The following ITFG1 variants were observed in gnomAD, a reference collection of about 807,000 sequenced individuals.
ITFG1 encodes integrin alpha FG-GAP repeat containing 1, also known as T-cell immunomodulatory protein.
A neutral mutation model predicts 81.8 loss-of-function variants in ITFG1; 34 were observed. The observed-to-expected ratio is 0.42, with a 90% CI of 0.32 to 0.55. The LOEUF is 0.55. Ranked by LOEUF, ITFG1 falls within the 20% of genes least tolerant of loss-of-function variation. The probability of loss-of-function intolerance (pLI) is 0.17; values close to 1 mark genes in which losing one functional copy is unlikely to be tolerated. For missense variants in ITFG1, 672 were observed against 755.4 expected, an observed-to-expected ratio of 0.89 and a Z score of 1.29; for synonymous variants, 285 against 270.6, an observed-to-expected ratio of 1.05 and a Z score of -0.52.
chr16:47,300,392 T>A (rs1181943858), intron 10 of ITFG1, among the ~76,000 whole-genome samples: 1 of 152,210 alleles, frequency 6.6e-6, no homozygotes. Flanking sequence ...CAACGGTGTG[T>A]TGGAGACCTC....
At chr16:47,176,413 T>A (rs1965024703) in intron 14 of ITFG1, among the ~76,000 whole-genome samples, 1 of 152,154 alleles carries the variant, frequency 6.6e-6, no homozygotes, top group Admixed American at 6.5e-5. Context: ...GCAAGCTGGA[T>A]AATAACAGGA....
chr16:47,381,894 G>A (rs922708829), intron 6 of ITFG1, among the ~76,000 whole-genome samples: 1 of 152,078 alleles, frequency 6.6e-6, no homozygotes, highest in South Asian at 2.1e-4. Context: ...ACTTAAATAA[G>A]TTAAGAAGGC....
rs1596767757 is a variant in ITFG1, at chr16:47,154,418, A to G, written c.*1301T>C. 1.3e-5 allele frequency: 2 copies of G among 152,232 alleles called. No homozygotes were observed. The highest frequency in any genetic ancestry group is 4.8e-5 in the African/African-American group (2 of 41,452). 9.4% of individuals were successfully genotyped at this position (152,232 alleles called of 1,614,324 possible). On this transcript the variant is annotated 3_prime_UTR_variant, in exon 18 of 18. Coordinates refer to ENST00000320640, the MANE Select transcript of ITFG1 (RefSeq NM_030790.5). ...TCAATAAGGAATATTTATTAAGAAG[A>G]CATGTTAACATGCTTAGATACAAAG... is the stretch of plus-strand genomic sequence containing the variant.
intron 2 of ITFG1, among the ~76,000 whole-genome samples, chr16:47,455,533 T>G (rs1969440662): frequency 6.7e-6 from 1 of 150,024 alleles, no homozygotes; most frequent in Non-Finnish European, 1.5e-5. Context: ...GAGGTGGAGG[T>G]GGAGGTGGGT....
chr16:47,298,569 A>G (rs1967021156), intron 10 of ITFG1, among the ~76,000 whole-genome samples: 2 of 152,080 alleles, frequency 1.3e-5, no homozygotes, highest in Non-Finnish European at 2.9e-5. Context: ...ACTCTGTACA[A>G]TATTAGTTAA....
At chr16:47,381,696 A>C (rs901003185) in intron 6 of ITFG1, among the ~76,000 whole-genome samples, 2 of 152,196 alleles carry the variant, frequency 1.3e-5, no homozygotes, top group Non-Finnish European at 2.9e-5. Context: ...ATGTAGAATA[A>C]AAATATCTTT....
At chr16:47,428,946 G>T in intron 5 of ITFG1, 48 bp from the exon 6 acceptor site, 3 of 990,618 alleles carry the variant, frequency 3.0e-6, no homozygotes, top group Non-Finnish European at 4.6e-6. Context: ...CATCAAATGA[G>T]CATTATTTTA....
At chr16:47,369,910 G>T (rs1968229156) in intron 7 of ITFG1, among the ~76,000 whole-genome samples, 1 of 136,786 alleles carries the variant, frequency 7.3e-6, no homozygotes, top group Admixed American at 8.3e-5. Context: ...CGCGATCTTG[G>T]CTCACTCCAA....
intron 6 of ITFG1, 146 bp from the exon 7 acceptor site, chr16:47,376,086 C>CA: frequency 2.0e-6 from 1 of 512,478 alleles, no homozygotes; most frequent in East Asian, 3.3e-5. Flanking sequence ...AGTTTCATCC[C>CA]ATTAAAAAAA....
chr16:47,337,621 G>A (rs1464824691), intron 8 of ITFG1, among the ~76,000 whole-genome samples: 1 of 152,178 alleles, frequency 6.6e-6, no homozygotes, highest in Non-Finnish European at 1.5e-5. Context: ...TAGATTTTTG[G>A]TACATACGTT....
chr16:47,193,295 C>T (rs1184472068), intron 14 of ITFG1, among the ~76,000 whole-genome samples: 1 of 148,892 alleles, frequency 6.7e-6, no homozygotes, highest in Non-Finnish European at 1.5e-5. Context: ...TTTGTTCTTT[C>T]TTATCTATCC....
chr16:47,252,842 G>A (rs1463573190), intron 12 of ITFG1, among the ~76,000 whole-genome samples: 1 of 152,146 alleles, frequency 6.6e-6, no homozygotes, highest in East Asian at 1.9e-4. Context: ...GGGTAATTAC[G>A]TGCTAGTAAC....
intron 6 of ITFG1, among the ~76,000 whole-genome samples, chr16:47,413,928 C>A (rs1567491863): frequency 2.0e-5 from 3 of 151,984 alleles, no homozygotes; most frequent in Admixed American, 1.3e-4. Flanking sequence ...TCAAGTGATT[C>A]TCCTGCCTCA....
At chr16:47,199,087 A>C (rs551409603) in intron 14 of ITFG1, among the ~76,000 whole-genome samples, 1 of 152,314 alleles carries the variant, frequency 6.6e-6, no homozygotes, top group South Asian at 2.1e-4. Flanking sequence ...CAGCCTAGGC[A>C]ACATGGTGAA....
At position 47,309,442 on chromosome 16, in the gene ITFG1, T is replaced by C. The variant is rs1967223163; in HGVS notation, c.1070+1798A>G. On this transcript the variant is annotated intron_variant, in intron 10 of 17. Transcript: ENST00000320640. ...TTACTAGGAAATCACAATCTGTCTT[T>C]GAATTTTAGAAAATGATCTAACAAG... Among the ~76,000 whole-genome samples, 3 of 152,228 alleles carry C rather than the reference T, an allele frequency of 2.0e-5. No homozygotes were observed. In the South Asian group the frequency reaches 6.2e-4, roughly 32 times the overall value.
intron 10 of ITFG1, among the ~76,000 whole-genome samples, chr16:47,278,799 A>G (rs962675870): frequency 6.6e-5 from 10 of 152,202 alleles, no homozygotes; most frequent in African/African-American, 2.4e-4. Flanking sequence ...GATTATTATC[A>G]GCTAATAGGA....
intron 10 of ITFG1, among the ~76,000 whole-genome samples, chr16:47,285,195 A>C (rs1482691211): frequency 1.3e-5 from 2 of 152,060 alleles, no homozygotes; most frequent in Admixed American, 6.5e-5. Flanking sequence ...CACTCCCATG[A>C]GAGAGTCCCA....
intron 6 of ITFG1, among the ~76,000 whole-genome samples, chr16:47,392,270 C>T (rs1209309990): frequency 6.6e-6 from 1 of 152,082 alleles, no homozygotes; most frequent in Non-Finnish European, 1.5e-5. Flanking sequence ...CTCAAAACGA[C>T]GAACGCCCAC....
chr16:47,233,458 G>T (rs984956596), intron 13 of ITFG1, among the ~76,000 whole-genome samples: 3 of 152,180 alleles, frequency 2.0e-5, no homozygotes, highest in African/African-American at 7.2e-5. Flanking sequence ...TTACACTTTT[G>T]TTGAGTTTTA....
Sources: allele counts gnomAD v4.1 joint callset (sites outside exome capture counted in the v4.1 genomes callset), GRCh38; gene constraint gnomAD v4.1.1; transcripts MANE v1.5; gene names NCBI Gene and HGNC (gene_info 2026-07-23, HGNC 2026-07-21).